BANF2: variants seen among roughly 807,000 people sequenced by gnomAD.
The protein encoded by BANF2 is barrier-to-autointegration factor-like protein.
BANF2 carries 4 observed loss-of-function variants against 8.0 expected under a neutral mutation model. That is an observed-to-expected ratio of 0.50 (90% CI 0.25 to 1.14). The LOEUF is 1.14. BANF2 is among the 50% of genes most tolerant of loss of function. BANF2 has a pLI of 0.16. For missense variants in BANF2, 96 were observed against 107.5 expected (o/e 0.89, Z 0.47); for synonymous variants, 50 against 40.6 (o/e 1.23, Z -0.88).
At position 17,735,770 on chromosome 20, in the gene BANF2, A is replaced by G. The variant is rs2037969000; in HGVS notation, c.232A>G (p.Thr78Ala). 6.2e-7 allele frequency: 1 copy of G among 1,613,784 alleles called. No homozygotes were observed. The highest frequency in any genetic ancestry group is 1.7e-5 in the Admixed American group (1 of 59,980). ...FGATECEAQQ[T>A]SHCLKEWCAC... ...TGCCACTGAGTGTGAGGCCCAGCAG[A>G]CTTCTCACTGCCTCAAGGAGTGGTG... The change falls in exon 4 of 4, where the codon ACT becomes GCT. Residue 78 changes from threonine (T) to alanine (A), a missense_variant. Physicochemically the swap from Thr to Ala is moderately conservative, Grantham distance 58. Transcript: ENST00000246090.
chr20:17,714,547 G>C (rs2037624123), intron 1 of BANF2, among the ~76,000 whole-genome samples: 2 of 152,238 alleles, frequency 1.3e-5, no homozygotes, highest in African/African-American at 4.8e-5. Flanking sequence ...GGCTGCACAA[G>C]CTGGGAGACA....
chr20:17,710,446 G>A (rs182621913), intron 1 of BANF2, among the ~76,000 whole-genome samples: 7 of 152,184 alleles, frequency 4.6e-5, no homozygotes, highest in Non-Finnish European at 7.3e-5. Flanking sequence ...TGCAGAATTC[G>A]TTTTGAGGAC....
intron 3 of BANF2, among the ~76,000 whole-genome samples, chr20:17,732,644 C>A (rs2037916264): frequency 6.6e-6 from 1 of 152,202 alleles, no homozygotes; most frequent in Admixed American, 6.5e-5. Flanking sequence ...GAGTGAGCCA[C>A]CACACCTGGC....
chr20:17,724,480 G>T (rs1255789847), intron 2 of BANF2, among the ~76,000 whole-genome samples: 1 of 152,196 alleles, frequency 6.6e-6, no homozygotes, highest in African/African-American at 2.4e-5. Context: ...AGGAGGGAAA[G>T]CTGGACAATC....
At chr20:17,724,493 T>C (rs914797310) in intron 2 of BANF2, among the ~76,000 whole-genome samples, 1 of 152,202 alleles carries the variant, frequency 6.6e-6, no homozygotes, top group African/African-American at 2.4e-5. Flanking sequence ...GGACAATCCC[T>C]GAGGAATGGC....
intron 3 of BANF2, among the ~76,000 whole-genome samples, chr20:17,733,884 C>G (rs1459244970): frequency 6.6e-6 from 1 of 152,164 alleles, no homozygotes; most frequent in Non-Finnish European, 1.5e-5. Context: ...AAAGTATGCT[C>G]TCTTTGGTTA....
At position 17,720,381 on chromosome 20, in the gene BANF2, C is replaced by A. The variant is rs73599773; in HGVS notation, c.-166-2335C>A. Among the ~76,000 whole-genome samples, 842 of 152,276 alleles carry A rather than the reference C, an allele frequency of 5.5e-3. 23 individuals carry two copies. Among genetic ancestry groups the A allele is most frequent in the Admixed American group, 0.039 (604 of 15,302 alleles). ...ATAAACAAAATGTGTTGTGTACATA[C>A]AATAGAATATAGTTCAGCCTTAAAG... On this transcript the variant is annotated intron_variant, in intron 1 of 3. Coordinates refer to ENST00000246090, the MANE Select transcript of BANF2 (RefSeq NM_178477.5).
intron 1 of BANF2, among the ~76,000 whole-genome samples, chr20:17,713,564 C>T (rs1189379422): frequency 6.6e-6 from 1 of 151,978 alleles, no homozygotes; most frequent in East Asian, 1.9e-4. Context: ...GGCGCAGTGG[C>T]TTATGGCTGT....
At chr20:17,717,052 C>G (rs1568813719) in intron 1 of BANF2, among the ~76,000 whole-genome samples, 1 of 152,074 alleles carries the variant, frequency 6.6e-6, no homozygotes, top group Non-Finnish European at 1.5e-5. Flanking sequence ...CTATGAAACA[C>G]TGATCATTTG....
chr20:17,717,539 T>G (rs1387934576), intron 1 of BANF2, among the ~76,000 whole-genome samples: 1 of 152,216 alleles, frequency 6.6e-6, no homozygotes, highest in East Asian at 1.9e-4. Flanking sequence ...GCTATTCATC[T>G]AGGCTAGTTT....
chr20:17,693,699 G>C (rs113225770), exon 1 of BANF2: 2 of 1,551,622 alleles, frequency 1.3e-6, no homozygotes, highest in East Asian at 4.9e-5. Context: ...ATGCTGCGAG[G>C]AACAAAGGTA....
chr20:17,706,809 G>A (rs559809743), intron 1 of BANF2, among the ~76,000 whole-genome samples: 4 of 152,146 alleles, frequency 2.6e-5, no homozygotes, highest in Non-Finnish European at 5.9e-5. Context: ...GGTCTTTCTC[G>A]TCTTCTCTGC....
At chr20:17,714,495 C>G (rs2122601915) in intron 1 of BANF2, among the ~76,000 whole-genome samples, 1 of 152,258 alleles carries the variant, frequency 6.6e-6, no homozygotes, top group South Asian at 2.1e-4. Context: ...CAATTCTATT[C>G]ACAAAGGTTG....
chr20:17,713,522 A>C (rs1027763006), intron 1 of BANF2, among the ~76,000 whole-genome samples: 9 of 152,168 alleles, frequency 5.9e-5, no homozygotes, highest in Admixed American at 5.9e-4. Flanking sequence ...ACACTACTGC[A>C]CTGTACACTT....
upstream of BANF2, among the ~76,000 whole-genome samples, chr20:17,695,676 T>C (rs1287155892): frequency 2.0e-5 from 3 of 152,128 alleles, no homozygotes; most frequent in Non-Finnish European, 4.4e-5. Context: ...TATAGTCACC[T>C]TTATTGAGGT....
chr20:17,720,167 C>T (rs531572174), intron 1 of BANF2, among the ~76,000 whole-genome samples: 47 of 152,286 alleles, frequency 3.1e-4, no homozygotes, highest in African/African-American at 1.1e-3. Flanking sequence ...GCTTGGAAAA[C>T]AGTATGGCAA....
At chr20:17,714,361 G>A (rs1456603975) in intron 1 of BANF2, among the ~76,000 whole-genome samples, 1 of 152,146 alleles carries the variant, frequency 6.6e-6, no homozygotes, top group Non-Finnish European at 1.5e-5. Context: ...ATCCTTTGCA[G>A]ATAACAGGAC....
intron 3 of BANF2, among the ~76,000 whole-genome samples, chr20:17,726,877 C>A (rs2037816304): frequency 6.6e-6 from 1 of 152,222 alleles, no homozygotes; most frequent in South Asian, 2.1e-4. Context: ...GTACATAGTT[C>A]TATGAGTTTG....
chr20:17,711,627 C>T (rs2037575010), intron 1 of BANF2, among the ~76,000 whole-genome samples: 2 of 152,282 alleles, frequency 1.3e-5, no homozygotes, highest in South Asian at 2.1e-4. Context: ...GAGTTGGCTC[C>T]ACCTTGAGAC....
Sources: allele counts gnomAD v4.1 joint callset (sites outside exome capture counted in the v4.1 genomes callset), GRCh38; gene constraint gnomAD v4.1.1; transcripts MANE v1.5; gene names NCBI Gene and HGNC (gene_info 2026-07-23, HGNC 2026-07-21).